AGO4: variants seen among roughly 807,000 people sequenced by gnomAD.
AGO4 encodes the protein protein argonaute-4.
A neutral mutation model predicts 104.7 loss-of-function variants in AGO4; 33 were observed. The observed-to-expected ratio is 0.32, with a 90% CI of 0.24 to 0.42. The LOEUF (loss-of-function observed/expected upper bound fraction) is 0.42. Among genes scored for constraint, AGO4 ranks in the 10% least tolerant of loss-of-function variants. The pLI, the probability that AGO4 is intolerant of heterozygous loss-of-function variation, is 1.00. For synonymous variants in AGO4, 331 were observed against 364.7 expected (o/e 0.91, Z 1.05); for missense variants, 711 against 1,083.4 (o/e 0.66, Z 4.83).
intron 13 of AGO4, among the ~76,000 whole-genome samples, chr1:35,837,239 T>G (rs1002532987): frequency 6.6e-6 from 1 of 152,124 alleles, no homozygotes; most frequent in Non-Finnish European, 1.5e-5. Context: ...CACACCACCA[T>G]GCCCCACTAT....
intron 1 of AGO4, 43 bp from the exon 2 acceptor site, chr1:35,816,839 A>G (rs1557550538): frequency 2.7e-6 from 4 of 1,501,646 alleles, no homozygotes; most frequent in Non-Finnish European, 3.6e-6. Flanking sequence ...AGAAAGAAAA[A>G]GAAAAAAAAA....
intron 12 of AGO4, among the ~76,000 whole-genome samples, chr1:35,835,208 C>A (rs911861954): frequency 6.6e-6 from 1 of 151,890 alleles, no homozygotes. Flanking sequence ...AGGCACGTGC[C>A]ATCACACCCA....
At chr1:35,823,917 T>C (rs1204430286) in intron 3 of AGO4, among the ~76,000 whole-genome samples, 2 of 152,124 alleles carry the variant, frequency 1.3e-5, no homozygotes, top group African/African-American at 4.8e-5. Context: ...AGATTTGTTA[T>C]TCTGTCCATA....
At chr1:35,811,635 G>A (rs187915344) in intron 1 of AGO4, among the ~76,000 whole-genome samples, 1 of 151,614 alleles carries the variant, frequency 6.6e-6, no homozygotes, top group Admixed American at 6.6e-5. Flanking sequence ...ACAGAGTCTC[G>A]CTGTGTCGCC....
At chr1:35,836,903 A>G (rs530399258) in intron 13 of AGO4, among the ~76,000 whole-genome samples, 1 of 152,300 alleles carries the variant, frequency 6.6e-6, no homozygotes, top group African/African-American at 2.4e-5. Flanking sequence ...ACTTACACTG[A>G]GAGTTCTACT....
In AGO4 at chr1:35,855,768, G is replaced by T. The variant is rs1644804365; in HGVS notation, c.*2163G>T. 1 of 151,288 alleles carries T rather than the reference G, an allele frequency of 6.6e-6. No individual in the cohort carries two copies. The highest frequency in any genetic ancestry group is 6.6e-5 in the Admixed American group (1 of 15,080). 9.4% of individuals were successfully genotyped at this position (151,288 alleles called of 1,614,324 possible). On this transcript the variant is annotated 3_prime_UTR_variant, in exon 18 of 18. Transcript: ENST00000373210. ...TTCACACTTGTTCAGGGAGAGCACA[G>T]AGAATACCCTTCAGCATGGCCACTC...
In AGO4 at chr1:35,856,847, T is replaced by TA. The variant is rs2148696731; in HGVS notation, c.*3244dup. 7.1e-6 allele frequency: 1 copy of TA among 140,368 alleles called. No individual in the cohort carries two copies. The highest frequency in any genetic ancestry group is 1.5e-5 in the Non-Finnish European group (1 of 65,366). The allele number at this position is 140,368 out of a possible 1,614,324, so 8.7% of individuals were successfully genotyped here. A position where few individuals can be genotyped will look rare whatever the true frequency, so the allele number is the denominator to read the frequency against. On this transcript the variant is annotated 3_prime_UTR_variant, in exon 18 of 18. Transcript: ENST00000373210. ...AAAAAAAAAGGGGGGGGGGGGACATTAAGAGAGTGGTGATGACCCAAATGT... is the reference window on the plus strand; with the variant it reads ...AAAAAAAAAGGGGGGGGGGGGACATTAAAGAGAGTGGTGATGACCCAAATGT...
intron 12 of AGO4, among the ~76,000 whole-genome samples, chr1:35,834,577 C>T (rs1571289891): frequency 6.6e-6 from 1 of 152,168 alleles, no homozygotes; most frequent in East Asian, 1.9e-4. Context: ...GTGAAAAGCA[C>T]TTAGGAATAT....
chr1:35,828,195 C>CGT (rs2148663875), intron 7 of AGO4, among the ~76,000 whole-genome samples: 1 of 152,064 alleles, frequency 6.6e-6, no homozygotes, highest in African/African-American at 2.4e-5. Flanking sequence ...TACAGACACA[C>CGT]GTATATATAT....
In AGO4 at chr1:35,808,512, G is replaced by A. The variant is rs1643376062; in HGVS notation, c.19+77G>A. 1.7e-6 allele frequency: 2 copies of A among 1,150,226 alleles called. No homozygotes were observed. The highest frequency in any genetic ancestry group is 1.6e-5 in the African/African-American group (1 of 61,718). The allele number at this position is 1,150,226 out of a possible 1,614,324, so 71.3% of individuals were successfully genotyped here. On this transcript the variant is annotated intron_variant, in intron 1 of 17. Transcript: ENST00000373210. This position sits in a 1 kb window ranked among gnomAD's most constrained non-coding sequence, Gnocchi z 5.2. ...GGGCGGCCGGGACTTTCGCTGCCCC[G>A]TCGCCTCGCCGGGTTCGGGCCGCCA...
chr1:35,851,221 A>C lies in AGO4; in HGVS notation c.2477+168A>C, dbSNP rs181671069. ...GAGCTTGTAATGTGACTTTTGGTCC[A>C]AGAAGTGCTCAGGCTTGTTTATACT... On this transcript the variant is annotated intron_variant, in intron 17 of 17. Coordinates refer to ENST00000373210, the MANE Select transcript of AGO4 (RefSeq NM_017629.4). The C allele has an allele frequency of 4.4e-6, 3 of 682,044 alleles. No homozygotes were observed. The African/African-American group carries it at 5.4e-5, about 12-fold the overall frequency. The allele number at this position is 682,044 out of a possible 1,614,324, so 42.2% of individuals were successfully genotyped here. A position where few individuals can be genotyped will look rare whatever the true frequency, so the allele number is the denominator to read the frequency against.
Position 35,850,951 on chromosome 1 carries a change from A to G in AGO4, c.2375A>G (p.Tyr792Cys). Reference protein sequence around the residue: ...QLLTYQLCHTYVRCTRSVSIP... With the variant: ...QLLTYQLCHTCVRCTRSVSIP... ...CTGACTTACCAGCTGTGTCACACCT[A>G]TGTGAGGTGCACTCGCTCAGTCTCT... The change falls in exon 17 of 18, where the codon TAT (tyrosine) becomes TGT (cysteine). Residue 792 changes from tyrosine (Y) to cysteine (C), a missense_variant. Coordinates refer to ENST00000373210, the MANE Select transcript of AGO4 (RefSeq NM_017629.4). The G allele has an allele frequency of 6.2e-7, 1 of 1,614,108 alleles. No individual in the cohort carries two copies. Among genetic ancestry groups the G allele is most frequent in the Non-Finnish European group, 8.5e-7 (1 of 1,180,022 alleles).
At chr1:35,831,622 T>C in intron 8 of AGO4, 48 bp downstream of exon 8, 1 of 1,585,244 alleles carries the variant, frequency 6.3e-7, no homozygotes. Flanking sequence ...TGAATGAGTA[T>C]ATATTTTTAA....
At chr1:35,847,159 C>A (rs557480503) in intron 15 of AGO4, among the ~76,000 whole-genome samples, 3 of 151,718 alleles carry the variant, frequency 2.0e-5, no homozygotes, top group Admixed American at 6.6e-5. Flanking sequence ...ATACACTAAC[C>A]ATAGCTGATG....
At position 35,829,773 on chromosome 1, in the gene AGO4, C is replaced by T. The variant is rs556204202; in HGVS notation, c.849-1654C>T. ...CTGAGGCAGGAGAATCACTTGAACC[C>T]GGGAGGCAGAGGTTGCAGTGAGCCG... On this transcript the variant is annotated intron_variant, in intron 7 of 17. Coordinates refer to ENST00000373210, the MANE Select transcript of AGO4 (RefSeq NM_017629.4). Among the ~76,000 whole-genome samples the T allele has an allele frequency of 1.3e-3, 184 of 139,884 alleles. 1 individual carries two copies. The Middle Eastern group carries it at 0.016, about 12-fold the overall frequency. 91.8% of individuals were successfully genotyped at this position (139,884 alleles called of 152,430 possible). A position where few individuals can be genotyped will look rare whatever the true frequency, so the allele number is the denominator to read the frequency against.
chr1:35,832,525 T>C lies in AGO4; in HGVS notation c.1334T>C (p.Val445Ala). The C allele has an allele frequency of 6.2e-7, 1 of 1,614,034 alleles. No homozygotes were observed. Among genetic ancestry groups the C allele is most frequent in the South Asian group, 1.1e-5 (1 of 91,086 alleles). ...GGCATTGAAATTAAAGTTTGGGCAG[T>C]TGCTTGTTTTGCACCTCAGAAACAA... ...YAGIEIKVWA[V>A]ACFAPQKQCR... Residue 445 changes from valine (V) to alanine (A), a missense_variant, in exon 11 of 18, where the codon GTT (valine) becomes GCT (alanine). By Grantham distance (64) the Val-to-Ala change is moderately conservative (BLOSUM62 0). Coordinates refer to ENST00000373210, the MANE Select transcript of AGO4 (RefSeq NM_017629.4).
rs1644815601 is a variant in AGO4 at position 35,856,345 on chromosome 1, T to G, written c.*2740T>G. The G allele has an allele frequency of 6.6e-6, 1 of 152,206 alleles. No individual in the cohort carries two copies. The highest frequency in any genetic ancestry group is 1.5e-5 in the Non-Finnish European group (1 of 68,042). The allele number at this position is 152,206 out of a possible 1,614,324, so 9.4% of individuals were successfully genotyped here. A position where few individuals can be genotyped will look rare whatever the true frequency, so the allele number is the denominator to read the frequency against. On this transcript the variant is annotated 3_prime_UTR_variant, in exon 18 of 18. Transcript: ENST00000373210. ...AATTCGGCTTGACAATTTGAATAGG[T>G]AACCCCCTCGGGACTGACTGAATCG...
chr1:35,815,918 C>T (rs1463297510), intron 1 of AGO4, among the ~76,000 whole-genome samples: 1 of 152,144 alleles, frequency 6.6e-6, no homozygotes, highest in East Asian at 1.9e-4. Context: ...AGAAGGGGCT[C>T]TGTCTTCATT....
At position 35,831,812 on chromosome 1, in the gene AGO4, G is replaced by A. The variant is rs1457125631; in HGVS notation, c.997G>A (p.Val333Ile). The change falls in exon 9 of 18, where the codon GTC becomes ATC. Residue 333 changes from valine (V) to isoleucine (I), a missense_variant and splice_region_variant. Physicochemically the swap from Val to Ile is conservative, Grantham distance 29 (BLOSUM62 3). This residue lies in a region of AGO4 where 401 missense variants were observed against 665.5 expected (regional missense o/e 0.60). Coordinates refer to ENST00000373210, the MANE Select transcript of AGO4 (RefSeq NM_017629.4). ...CCAATTTCTCTTTGTCTCTTGGCAG[G>A]TCTGTAATATAGTGGCAGGACAGCG... ...EQKHTYLPLE[V>I]CNIVAGQRCI... 2 of 1,613,974 alleles carry A rather than the reference G, an allele frequency of 1.2e-6. No homozygotes were observed. Among genetic ancestry groups the A allele is most frequent in the South Asian group, 1.1e-5 (1 of 91,076 alleles).
Sources: gnomAD v4.1 joint callset for allele counts (sites outside exome capture counted in the v4.1 genomes callset) on GRCh38, gnomAD v4.1.1 for gene constraint, gnomAD v4.1.1 regional missense constraint, Gnocchi (gnomAD v3.1) non-coding constraint, MANE v1.5 for transcripts, NCBI Gene and HGNC (gene_info 2026-07-23, HGNC 2026-07-21) for gene names.